MCPH1: variants seen among roughly 807,000 people sequenced by gnomAD.
MCPH1 encodes the protein microcephalin 1.
In MCPH1, 104 loss-of-function variants were observed where a neutral mutation model predicts 84.5. That is an observed-to-expected ratio of 1.23 (90% confidence interval 1.05 to 1.45). MCPH1 has a LOEUF of 1.45. Ranked by LOEUF, MCPH1 falls within the 40% of genes most tolerant of loss-of-function variation. MCPH1 has a pLI of 0.00. For missense variants in MCPH1, 1,498 were observed against 1,005.7 expected, an observed-to-expected ratio of 1.49 and a Z score of -6.62; for synonymous variants, 514 against 366.8, an observed-to-expected ratio of 1.40 and a Z score of -4.58.
rs1293645846 is a variant in MCPH1, at chr8:6,406,659, C to T, written c.-9C>T. The T allele has an allele frequency of 1.2e-6, 2 of 1,611,988 alleles. No homozygotes were observed. The highest frequency in any genetic ancestry group is 1.3e-5 in the African/African-American group (1 of 74,916). ...GCGTAGGCCAGCTGGCCGGATCCCGCCGTCTGTCATGGCGGCCCCCATCCT... is the reference window on the plus strand; with the variant it reads ...GCGTAGGCCAGCTGGCCGGATCCCGTCGTCTGTCATGGCGGCCCCCATCCT... On this transcript the variant is annotated 5_prime_UTR_variant, in exon 1 of 14. Coordinates refer to ENST00000344683, the MANE Select transcript of MCPH1 (RefSeq NM_024596.5).
At chr8:6,510,561 T>G (rs1202690507) in intron 12 of MCPH1, among the ~76,000 whole-genome samples, 3 of 152,326 alleles carry the variant, frequency 2.0e-5, no homozygotes, top group Non-Finnish European at 4.4e-5. Context: ...CACTGGATGC[T>G]TATAACCACC....
At chr8:6,606,753 C>G (rs991480170) in intron 12 of MCPH1, among the ~76,000 whole-genome samples, 1 of 152,220 alleles carries the variant, frequency 6.6e-6, no homozygotes. Flanking sequence ...TGAGTTCCCA[C>G]ATGTTGTGGG....
chr8:6,527,602 C>T (rs745494202), intron 12 of MCPH1: 1 of 1,613,984 alleles, frequency 6.2e-7, no homozygotes, highest in Non-Finnish European at 8.5e-7. Flanking sequence ...GGTCCAAAAT[C>T]TGTTTTTCCA....
At chr8:6,514,176 T>G (rs887180954) in intron 12 of MCPH1, among the ~76,000 whole-genome samples, 1 of 152,172 alleles carries the variant, frequency 6.6e-6, no homozygotes, top group African/African-American at 2.4e-5. Context: ...AGTCCACCTT[T>G]AAAAATAAGC....
rs111576259 is a variant in MCPH1, at chr8:6,642,084, T to G, written c.2453-910T>G. On this transcript the variant is annotated intron_variant, in intron 13 of 13. Coordinates refer to ENST00000344683, the MANE Select transcript of MCPH1 (RefSeq NM_024596.5). ...AGATTAAACCCATTTTTTTCTTTTT[T>G]GTACCATACCACCAGGATAGCTTTC... Among the ~76,000 whole-genome samples, 255 of 152,350 alleles carry G rather than the reference T, an allele frequency of 1.7e-3. 2 individuals are homozygous for G. Among genetic ancestry groups the G allele is most frequent in the African/African-American group, 5.4e-3 (226 of 41,576 alleles).
chr8:6,616,388 T>C (rs1195744153), intron 12 of MCPH1: 1 of 152,226 alleles, frequency 6.6e-6, no homozygotes, highest in African/African-American at 2.4e-5. Flanking sequence ...TCCTTGAAGC[T>C]AGAAGCCATG....
chr8:6,484,333 A>G (rs1809594202), intron 11 of MCPH1, among the ~76,000 whole-genome samples: 1 of 152,258 alleles, frequency 6.6e-6, no homozygotes, highest in South Asian at 2.1e-4. Flanking sequence ...CTCACTTCAG[A>G]AATATAGTGA....
rs759116093 is a variant in MCPH1 at position 6,499,941 on chromosome 8, G to A, written c.2214+12G>A. 8 of 1,609,012 alleles carry A rather than the reference G, an allele frequency of 5.0e-6. No individual in the cohort carries two copies. Among genetic ancestry groups the A allele is most frequent in the South Asian group, 1.1e-5 (1 of 90,974 alleles). On this transcript the variant is annotated intron_variant, in intron 12 of 13. Coordinates refer to ENST00000344683, the MANE Select transcript of MCPH1 (RefSeq NM_024596.5). ...TCCCTGCAGCTCCCGTAAGTCAGAT[G>A]TTGTTTTACGATGGTAAATGCAGTT...
chr8:6,474,055 C>T (rs1808117574), intron 9 of MCPH1: 1 of 806,176 alleles, frequency 1.2e-6, no homozygotes, highest in Non-Finnish European at 2.2e-6. Context: ...GTATTTCGTA[C>T]AATATGTTGG....
chr8:6,471,306 T>C (rs967684361), intron 9 of MCPH1, among the ~76,000 whole-genome samples: 14 of 152,252 alleles, frequency 9.2e-5, no homozygotes, highest in South Asian at 2.1e-4. Flanking sequence ...GCAAAGGCCA[T>C]GGTTGCATAG....
At position 6,486,262 on chromosome 8, in the gene MCPH1, ATCTCTCTC is replaced by A. The variant is rs56247663; in HGVS notation, c.2136+5412_2136+5419del. Reference sequence around the variant, plus strand: ...TATACATTGACTTTGTGTACAAGGAATCTCTCTCTCTCTCTCTCTCTCTCTCTCTCTCT... The same window carrying A: ...TATACATTGACTTTGTGTACAAGGAATCTCTCTCTCTCTCTCTCTCTCTCT... On this transcript the variant is annotated intron_variant, in intron 11 of 13. Transcript: ENST00000344683. Among the ~76,000 whole-genome samples the A allele has an allele frequency of 4.1e-3, 603 of 147,182 alleles. 1 individual carries two copies. The highest frequency in any genetic ancestry group is 6.8e-3 in the Middle Eastern group (2 of 292).
At chr8:6,474,504 AG>A (rs1808179629) in intron 9 of MCPH1, among the ~76,000 whole-genome samples, 1 of 152,246 alleles carries the variant, frequency 6.6e-6, no homozygotes, top group Admixed American at 6.5e-5. Context: ...CTAGGGCAAC[AG>A]AGCAAGACCC....
At chr8:6,514,927 C>T in intron 12 of MCPH1, 1 of 600,328 alleles carries the variant, frequency 1.7e-6, no homozygotes, top group South Asian at 2.2e-5. Flanking sequence ...TCGGGGTTGT[C>T]TAAGAAACAG....
intron 12 of MCPH1, among the ~76,000 whole-genome samples, chr8:6,573,932 T>A (rs1826861073): frequency 6.6e-6 from 1 of 152,200 alleles, no homozygotes; most frequent in Admixed American, 6.5e-5. Context: ...ATCATCTTAT[T>A]CCCCTAGGTT....
Position 6,507,299 on chromosome 8 carries a change from C to G in MCPH1, c.2214+7370C>G, listed in dbSNP as rs888038765. 1.8e-4 allele frequency among the ~76,000 whole-genome samples: 27 copies of G among 152,236 alleles called. 1 individual carries two copies. The highest frequency in any genetic ancestry group is 6.3e-4 in the African/African-American group (26 of 41,544). On this transcript the variant is annotated intron_variant, in intron 12 of 13. Transcript: ENST00000344683. The stretch of plus-strand genomic sequence containing the variant: ...AAAACATGTTGACCATAGCTGTTAC[C>G]TTTGGTTTTCCTGGGTGGGTAACAT...
chr8:6,583,813 C>CTT (rs200119646), intron 12 of MCPH1, among the ~76,000 whole-genome samples: 22 of 112,234 alleles, frequency 2.0e-4, no homozygotes, highest in South Asian at 5.7e-4. Context: ...GTCTCGGAGT[C>CTT]TTTTTTTTTT....
chr8:6,634,123 T>C lies in MCPH1; in HGVS notation c.2453-8871T>C, dbSNP rs147632534. Among the ~76,000 whole-genome samples, 227 of 152,252 alleles carry C rather than the reference T, an allele frequency of 1.5e-3. 2 individuals are homozygous for C. Among genetic ancestry groups the C allele is most frequent in the African/African-American group, 5.0e-3 (206 of 41,542 alleles). ...AAGCTAAAAATGAAGATGTGAATAG[T>C]GTATTGAAAAACTAGATCTGAAGGC... On this transcript the variant is annotated intron_variant, in intron 13 of 13. Transcript: ENST00000344683.
chr8:6,560,851 G>T (rs969286854), intron 12 of MCPH1, among the ~76,000 whole-genome samples: 7 of 152,238 alleles, frequency 4.6e-5, no homozygotes, highest in African/African-American at 1.7e-4. Context: ...TATACCTAAT[G>T]TAAGTTAATT....
intron 12 of MCPH1, among the ~76,000 whole-genome samples, chr8:6,541,226 G>T (rs752618087): frequency 6.6e-6 from 1 of 152,206 alleles, no homozygotes; most frequent in Non-Finnish European, 1.5e-5. Flanking sequence ...CCCTGACACA[G>T]CAGGGGATGC....
Sources: allele counts gnomAD v4.1 joint callset (sites outside exome capture counted in the v4.1 genomes callset), GRCh38; gene constraint gnomAD v4.1.1; transcripts MANE v1.5; gene names NCBI Gene and HGNC (gene_info 2026-07-23, HGNC 2026-07-21).